Variants in CENPC observed in about 807,000 individuals in gnomAD.
The protein encoded by CENPC is centromere protein C, also known as CENP-C 1.
CENPC carries 63 observed loss-of-function variants against 112.1 expected under a neutral mutation model. The observed-to-expected ratio is 0.56, with a 90% confidence interval of 0.46 to 0.69. The LOEUF is 0.69. Among genes scored for constraint, CENPC ranks in the 30% least tolerant of loss-of-function variants. CENPC has a pLI of 0.00. For missense variants in CENPC, 1,000 were observed against 1,103.8 expected, an observed-to-expected ratio of 0.91 and a Z score of 1.33; for synonymous variants, 333 against 367.6, an observed-to-expected ratio of 0.91 and a Z score of 1.08.
rs33925641 is a variant in CENPC at position 67,504,092 on chromosome 4, CAAAAAAAAA to C, written c.2131+1104_2131+1112del. The stretch of plus-strand genomic sequence containing the variant: ...GCTTCCCGATCAGTGGTGAATGGGG[CAAAAAAAAA>C]AAAAAAAAAGAACGTAGCTAGTAAG... On this transcript the variant is annotated intron_variant, in intron 12 of 18. Coordinates refer to ENST00000273853, the MANE Select transcript of CENPC (RefSeq NM_001812.4). Among the ~76,000 whole-genome samples, 1,010 of 114,088 alleles carry C rather than the reference CAAAAAAAAA, an allele frequency of 8.9e-3. 21 individuals carry two copies. The highest frequency in any genetic ancestry group is 0.032 in the African/African-American group (978 of 30,320). The allele number at this position is 114,088 out of a possible 152,430, so 74.8% of individuals were successfully genotyped here.
intron 17 of CENPC, among the ~76,000 whole-genome samples, chr4:67,481,894 A>T (rs529540001): frequency 1.4e-4 from 21 of 152,336 alleles, no homozygotes; most frequent in African/African-American, 3.6e-4. Flanking sequence ...AAAACAAAAT[A>T]GATGGGACCT....
In CENPC at chr4:67,490,111, C is replaced by T. The variant is rs1235614428; in HGVS notation, c.2526G>A (p.Arg842=). ...TREIILMDLV[R]PQDTYQFFVK... is the part of the protein sequence containing the mutation. ...CAAAAAATTGATATGTATCTTGTGG[C>T]CTTACAAGATCTAGGAGTAAAACAG... Residue 842 remains arginine (R), a synonymous_variant, in exon 17 of 19, where the codon AGG becomes AGA. Coordinates refer to ENST00000273853, the MANE Select transcript of CENPC (RefSeq NM_001812.4). 3 of 1,600,104 alleles carry T rather than the reference C, an allele frequency of 1.9e-6. No individual in the cohort carries two copies. The South Asian group carries it at 3.4e-5, about 18-fold the overall frequency.
rs760767291 is a variant in CENPC, at chr4:67,512,479, T to A, written c.1535A>T (p.Glu512Val). Residue 512 changes from glutamate to valine, a missense_variant, in exon 9 of 19, where the codon GAA becomes GTA. Coordinates refer to ENST00000273853, the MANE Select transcript of CENPC (RefSeq NM_001812.4). ...SESKNKLVPE[E>V]VTSTVTKSRR... ...ACTTTTCGTGACAGTTGAAGTCACT[T>A]CTTCAGGTACAAGTTTGTTCTTGGA... 6.3e-7 allele frequency: 1 copy of A among 1,595,896 alleles called. No homozygotes were observed. Among genetic ancestry groups the A allele is most frequent in the South Asian group, 1.2e-5 (1 of 85,602 alleles).
At chr4:67,509,321 T>C (rs904071689) in intron 9 of CENPC, among the ~76,000 whole-genome samples, 3 of 152,000 alleles carry the variant, frequency 2.0e-5, no homozygotes, top group Admixed American at 6.6e-5. Flanking sequence ...TTTATAGATA[T>C]ATGAAACAGG....
At chr4:67,537,838 G>A (rs1024962893) in intron 4 of CENPC, among the ~76,000 whole-genome samples, 9 of 152,018 alleles carry the variant, frequency 5.9e-5, no homozygotes, top group Admixed American at 1.3e-4. Context: ...TAAATAAGCA[G>A]GCCAGCATGG....
intron 7 of CENPC, among the ~76,000 whole-genome samples, chr4:67,514,904 T>G (rs1026439485): frequency 2.0e-5 from 3 of 151,844 alleles, no homozygotes; most frequent in Admixed American, 2.0e-4. Flanking sequence ...AATTTAGAGC[T>G]AGAAATCTAG....
At position 67,542,174 on chromosome 4, in the gene CENPC, T is replaced by C. The variant is rs138664686; in HGVS notation, c.66-1124A>G. ...ACAAACTTTTGCTTAAAGGGCCAGA[T>C]GGTAAATATTTTAGGCTTGTAAACC... On this transcript the variant is annotated intron_variant, in intron 2 of 18. Coordinates refer to ENST00000273853, the MANE Select transcript of CENPC (RefSeq NM_001812.4). Among the ~76,000 whole-genome samples the C allele has an allele frequency of 1.4e-3, 214 of 152,298 alleles. 3 individuals carry two copies. The highest frequency in any genetic ancestry group is 4.7e-3 in the African/African-American group (195 of 41,580).
chr4:67,542,387 G>A (rs1456313593), intron 2 of CENPC, among the ~76,000 whole-genome samples: 1 of 152,134 alleles, frequency 6.6e-6, no homozygotes, highest in Non-Finnish European at 1.5e-5. Context: ...TTGAGAGCTG[G>A]AAAAGTACTA....
Position 67,505,208 on chromosome 4 carries a change from A to G in CENPC, c.2128T>C (p.Ser710Pro). The change falls in exon 12 of 19, where the codon TCA (serine) becomes CCA (proline). Residue 710 changes from serine to proline, a missense_variant. Coordinates refer to ENST00000273853, the MANE Select transcript of CENPC (RefSeq NM_001812.4). ...CAGAAAAAAAACAATAGTTTACCTG[A>G]ACTTCCATGAACTTCCTCATCATCC... Reference protein sequence around the residue: ...DVDDEEVHGSSDDSKQSKVIP... With the variant: ...DVDDEEVHGSPDDSKQSKVIP... 1 of 1,569,376 alleles carries G rather than the reference A, an allele frequency of 6.4e-7. No homozygotes were observed. The highest frequency in any genetic ancestry group is 2.3e-5 in the East Asian group (1 of 43,740).
intron 7 of CENPC, among the ~76,000 whole-genome samples, chr4:67,515,217 G>A (rs1038996574): frequency 6.7e-6 from 1 of 150,046 alleles, no homozygotes. Flanking sequence ...TGTAATCCCA[G>A]CACTTTGGGA....
chr4:67,512,646 A>T (rs1725929192), intron 8 of CENPC, 77 bp from the exon 9 acceptor site: 4 of 1,014,906 alleles, frequency 3.9e-6, no homozygotes, highest in Non-Finnish European at 5.4e-6. Context: ...TTATAAAAAA[A>T]CCGTCAATTA....
intron 14 of CENPC, chr4:67,493,604 T>A: frequency 3.7e-6 from 1 of 270,486 alleles, no homozygotes; most frequent in South Asian, 6.4e-5. Context: ...GAAAACTACT[T>A]TACCTTTACC....
At chr4:67,531,494 G>A (rs900952416) in intron 4 of CENPC, among the ~76,000 whole-genome samples, 2 of 152,194 alleles carry the variant, frequency 1.3e-5, no homozygotes, top group African/African-American at 2.4e-5. Flanking sequence ...CAACAGAGAA[G>A]GTTGCACCTG....
At chr4:67,508,702 G>C in intron 10 of CENPC, 112 bp downstream of exon 10, 1 of 931,726 alleles carries the variant, frequency 1.1e-6, no homozygotes, top group Non-Finnish European at 1.6e-6. Flanking sequence ...AGGTATGTCA[G>C]AGTGCAGAGC....
rs377588666 is a variant in CENPC at position 67,473,019 on chromosome 4, T to C, written c.2762-344A>G. On this transcript the variant is annotated intron_variant, in intron 18 of 18. Coordinates refer to ENST00000273853, the MANE Select transcript of CENPC (RefSeq NM_001812.4). ...ATTCCTCTAACCAGACATACTCATA[T>C]ATAGATGAATATAAAAGGTACAATG... Among the ~76,000 whole-genome samples, 15 of 152,346 alleles carry C rather than the reference T, an allele frequency of 9.8e-5. 1 individual carries two copies. Among genetic ancestry groups the C allele is most frequent in the African/African-American group, 3.1e-4 (13 of 41,580 alleles).
intron 17 of CENPC, among the ~76,000 whole-genome samples, chr4:67,477,022 A>G (rs1724823796): frequency 6.6e-6 from 1 of 152,150 alleles, no homozygotes; most frequent in South Asian, 2.1e-4. Context: ...GCTCAGCCCA[A>G]GGAGAGTCTG....
chr4:67,514,536 T>G lies in CENPC; in HGVS notation c.982A>C (p.Lys328Gln). Residue 328 changes from lysine (K) to glutamine (Q), a missense_variant, in exon 8 of 19, where the codon AAA becomes CAA. Lys to Gln is a moderately conservative substitution (Grantham distance 53). Transcript: ENST00000273853. Reference sequence around the variant, plus strand: ...TCAGCCGGGGATATTGTGCGTTGTTTCAGAGACCCTGCCTTTCTTGGTATT... The same window carrying G: ...TCAGCCGGGGATATTGTGCGTTGTTGCAGAGACCCTGCCTTTCTTGGTATT... ...ITIPRKAGSL[K>Q]QRTISPAEST... 6.2e-7 allele frequency: 1 copy of G among 1,612,694 alleles called. No homozygotes were observed. The highest frequency in any genetic ancestry group is 8.5e-7 in the Non-Finnish European group (1 of 1,179,352).
In CENPC at chr4:67,545,355, TGTTCCGGCCCC is replaced by T. The variant is rs769221098; in HGVS notation, c.-11_-1del. On this transcript the variant is annotated 5_prime_UTR_variant, in exon 1 of 19. Coordinates refer to ENST00000273853, the MANE Select transcript of CENPC (RefSeq NM_001812.4). ...GCACTTACCAGACCGGACGCAGCCATGTTCCGGCCCCGCTGAGCCAGCGCAACTGTCTGAGG... is the reference window on the plus strand; with the variant it reads ...GCACTTACCAGACCGGACGCAGCCATGCTGAGCCAGCGCAACTGTCTGAGG... 27 of 1,525,688 alleles carry T rather than the reference TGTTCCGGCCCC, an allele frequency of 1.8e-5. No individual in the cohort carries two copies. The East Asian group carries it at 6.0e-4, about 34-fold the overall frequency. 94.5% of individuals were successfully genotyped at this position (1,525,688 alleles called of 1,614,324 possible). A position where few individuals can be genotyped will look rare whatever the true frequency, so the allele number is the denominator to read the frequency against.
chr4:67,522,344 C>T (rs935493568), intron 5 of CENPC, among the ~76,000 whole-genome samples: 11 of 152,162 alleles, frequency 7.2e-5, no homozygotes, highest in African/African-American at 2.7e-4. Flanking sequence ...AGCAATTCAG[C>T]AGAGCACAGA....
Sources: gnomAD v4.1 joint callset for allele counts (sites outside exome capture counted in the v4.1 genomes callset) on GRCh38, gnomAD v4.1.1 for gene constraint, MANE v1.5 for transcripts, NCBI Gene and HGNC (gene_info 2026-07-23, HGNC 2026-07-21) for gene names.